Variants in CLSTN3 observed in about 807,000 individuals in gnomAD.
The protein encoded by CLSTN3 is calsyntenin 3.
In CLSTN3, 36 loss-of-function variants were observed where a neutral mutation model predicts 95.9. That is an observed-to-expected ratio of 0.38 (90% confidence interval 0.29 to 0.50). The LOEUF (loss-of-function observed/expected upper bound fraction) is 0.50. Among genes scored for constraint, CLSTN3 ranks in the 20% least tolerant of loss-of-function variants. The pLI is 0.95. For missense variants in CLSTN3, 1,084 were observed against 1,268.8 expected, an observed-to-expected ratio of 0.85 and a Z score of 2.21; for synonymous variants, 481 against 504.0, an observed-to-expected ratio of 0.95 and a Z score of 0.61.
rs35489298 is a variant in CLSTN3, at chr12:7,137,756, A to ATGTGTGTGTGTG, written c.1211-170_1211-159dup. Among the ~76,000 whole-genome samples the ATGTGTGTGTGTG allele has an allele frequency of 2.5e-4, 19 of 76,168 alleles. No individual in the cohort carries two copies. The highest frequency in any genetic ancestry group is 8.3e-4 in the African/African-American group (14 of 16,810). 50.0% of individuals were successfully genotyped at this position (76,168 alleles called of 152,430 possible). On this transcript the variant is annotated intron_variant, in intron 7 of 17. Transcript: ENST00000266546. The surrounding 1 kb of genome is among the most constrained non-coding windows in gnomAD (Gnocchi z 4.4). ...AGCCCAAGTTATCACTTGGACTGGA[A>ATGTGTGTGTGTG]TGTGTGTGTGTGTGTGTGTGTGTGT...
intron 16 of CLSTN3, among the ~76,000 whole-genome samples, chr12:7,153,061 T>C (rs1294220528): frequency 6.6e-6 from 1 of 152,194 alleles, no homozygotes; most frequent in Non-Finnish European, 1.5e-5. Context: ...CCTCTCCTTG[T>C]GCAACGGCCA....
chr12:7,137,795 T>TGTGTGGGA lies in CLSTN3; in HGVS notation c.1211-159_1211-158insTGTGGGAG, dbSNP rs768487238. ...GTGTGTGTGTGTGTGTGTGTGTGTG[T>TGTGTGGGA]GAGAGAGAGAGAGAGAGAGAGAGAG... is the stretch of plus-strand genomic sequence containing the variant. On this transcript the variant is annotated intron_variant, in intron 7 of 17. Coordinates refer to ENST00000266546, the MANE Select transcript of CLSTN3 (RefSeq NM_014718.4). This position sits in a 1 kb window ranked among gnomAD's most constrained non-coding sequence, Gnocchi z 4.4. 1.4e-5 allele frequency among the ~76,000 whole-genome samples: 1 copy of TGTGTGGGA among 70,610 alleles called. No individual in the cohort carries two copies. The highest frequency in any genetic ancestry group is 2.0e-4 in the Admixed American group (1 of 5,108). The allele number at this position is 70,610 out of a possible 152,430, so 46.3% of individuals were successfully genotyped here. A position where few individuals can be genotyped will look rare whatever the true frequency, so the allele number is the denominator to read the frequency against.
rs75755105 is a variant in CLSTN3, at chr12:7,132,745, T to C, written c.65-279T>C. 5,141 of 595,646 alleles carry C rather than the reference T, an allele frequency of 8.6e-3. 196 individuals are homozygous for C. Among genetic ancestry groups the C allele is most frequent in the African/African-American group, 0.078 (4,201 of 53,850 alleles). The allele number at this position is 595,646 out of a possible 1,614,324, so 36.9% of individuals were successfully genotyped here. On this transcript the variant is annotated intron_variant, in intron 1 of 17. Coordinates refer to ENST00000266546, the MANE Select transcript of CLSTN3 (RefSeq NM_014718.4). ...CTCCACTTCCTGACCATGGTTCCCATGGAGATAGTGATCCCCTCCTCTTCA... is the reference window on the plus strand; with the variant it reads ...CTCCACTTCCTGACCATGGTTCCCACGGAGATAGTGATCCCCTCCTCTTCA...
In CLSTN3 at chr12:7,149,631, C is replaced by T. The variant is rs759177835; in HGVS notation, c.2183C>T (p.Thr728Ile). 17 of 1,614,094 alleles carry T rather than the reference C, an allele frequency of 1.1e-5. No homozygotes were observed. In the Admixed American group the frequency reaches 2.2e-4, roughly 21 times the overall value. Residue 728 changes from threonine to isoleucine, a missense_variant, in exon 14 of 18, where the codon ACA becomes ATA. Thr to Ile is a moderately conservative substitution (Grantham distance 89). Coordinates refer to ENST00000266546, the MANE Select transcript of CLSTN3 (RefSeq NM_014718.4). This position sits in a 1 kb window ranked among gnomAD's most constrained non-coding sequence, Gnocchi z 4.5. ...DPERESLLLD[T>I]TSLQQRGLEL... ...GAGCGGGAAAGCCTGCTCCTGGACACAACCTCTCTGCAGCAGCGGGGGCTG... is the reference window on the plus strand; with the variant it reads ...GAGCGGGAAAGCCTGCTCCTGGACATAACCTCTCTGCAGCAGCGGGGGCTG...
In CLSTN3 at chr12:7,150,758, A is replaced by G; in HGVS notation, c.2391+69A>G. 8 of 1,587,854 alleles carry G rather than the reference A, an allele frequency of 5.0e-6. No homozygotes were observed. The highest frequency in any genetic ancestry group is 6.9e-6 in the Non-Finnish European group (8 of 1,160,952). On this transcript the variant is annotated intron_variant, in intron 15 of 17. Coordinates refer to ENST00000266546, the MANE Select transcript of CLSTN3 (RefSeq NM_014718.4). This position sits in a 1 kb window ranked among gnomAD's most constrained non-coding sequence, Gnocchi z 4.0. ...AAAGGAGCTGAGGTGGCATGGACTCAAAATGTTAGTTGGTGGGCATGGACA... is the reference window on the plus strand; with the variant it reads ...AAAGGAGCTGAGGTGGCATGGACTCGAAATGTTAGTTGGTGGGCATGGACA...
chr12:7,156,868 G>C (rs1158312302), intron 16 of CLSTN3: 1 of 455,492 alleles, frequency 2.2e-6, no homozygotes, highest in Non-Finnish European at 4.4e-6. Flanking sequence ...AGGAACCCCA[G>C]ACGTCCCGGA....
At chr12:7,138,524 C>A (rs1939470401) in intron 8 of CLSTN3, among the ~76,000 whole-genome samples, 1 of 152,004 alleles carries the variant, frequency 6.6e-6, no homozygotes, top group Admixed American at 6.5e-5. Flanking sequence ...TAAAACAACC[C>A]TGTTATATAG....
At chr12:7,154,554 G>A (rs952073736) in intron 16 of CLSTN3, among the ~76,000 whole-genome samples, 11 of 152,144 alleles carry the variant, frequency 7.2e-5, no homozygotes, top group East Asian at 1.9e-4. Flanking sequence ...AGAGCAAGCC[G>A]GATGATGAGG....
At position 7,130,561 on chromosome 12, in the gene CLSTN3, C is replaced by T; in HGVS notation, c.-88C>T. 1.9e-6 allele frequency: 3 copies of T among 1,548,076 alleles called. No individual in the cohort carries two copies. The highest frequency in any genetic ancestry group is 2.6e-6 in the Non-Finnish European group (3 of 1,146,794). On this transcript the variant is annotated 5_prime_UTR_variant, in exon 1 of 18. Coordinates refer to ENST00000266546, the MANE Select transcript of CLSTN3 (RefSeq NM_014718.4). ...GCTGTACCCCGCTCCTTGGAGACCC[C>T]CTGTATCCCTCCCGCAAGGTGGAAT...
At chr12:7,140,236 G>A (rs1021212020) in intron 8 of CLSTN3, among the ~76,000 whole-genome samples, 1 of 152,182 alleles carries the variant, frequency 6.6e-6, no homozygotes, top group Non-Finnish European at 1.5e-5. Context: ...GGATGATGGA[G>A]CATTTATACT....
At chr12:7,139,402 G>A (rs1939488648) in intron 8 of CLSTN3, among the ~76,000 whole-genome samples, 1 of 152,090 alleles carries the variant, frequency 6.6e-6, no homozygotes, top group African/African-American at 2.4e-5. Context: ...AAGAGCATAT[G>A]CAAAGGCCCT....
At chr12:7,151,195 C>T (rs575514349) in intron 16 of CLSTN3, 132 bp downstream of exon 16, 198 of 1,080,450 alleles carry the variant, frequency 1.8e-4, no homozygotes, top group South Asian at 8.6e-4. Flanking sequence ...CCTGTGGTAC[C>T]TGCCTTAGTT....
intron 16 of CLSTN3, among the ~76,000 whole-genome samples, chr12:7,153,908 C>G (rs116613458): frequency 6.6e-6 from 1 of 152,188 alleles, no homozygotes; most frequent in Non-Finnish European, 1.5e-5. Flanking sequence ...CGTTTCTCAC[C>G]CCTCAGCCCC....
At chr12:7,132,539 C>G (rs1939325592) in intron 1 of CLSTN3, 1 of 263,058 alleles carries the variant, frequency 3.8e-6, no homozygotes, top group Non-Finnish European at 7.4e-6. Context: ...GGGATCAGGA[C>G]TGAAATGAGT....
At chr12:7,136,532 C>T (rs866210038) in intron 6 of CLSTN3, 141 bp downstream of exon 6, 68 of 919,236 alleles carry the variant, frequency 7.4e-5, no homozygotes, top group African/African-American at 1.8e-4. Flanking sequence ...TTAGCATTTG[C>T]GGCCCAAAAG....
chr12:7,144,961 C>T (rs1187077452), intron 12 of CLSTN3, among the ~76,000 whole-genome samples: 1 of 152,248 alleles, frequency 6.6e-6, no homozygotes, highest in South Asian at 2.1e-4. Context: ...GTCAGAGCTC[C>T]AGTTGTTAAA....
Position 7,150,757 on chromosome 12 carries a change from C to A in CLSTN3, c.2391+68C>A. On this transcript the variant is annotated intron_variant, in intron 15 of 17. Coordinates refer to ENST00000266546, the MANE Select transcript of CLSTN3 (RefSeq NM_014718.4). This position sits in a 1 kb window ranked among gnomAD's most constrained non-coding sequence, Gnocchi z 4.0. ...GAAAGGAGCTGAGGTGGCATGGACT[C>A]AAAATGTTAGTTGGTGGGCATGGAC... 6.3e-7 allele frequency: 1 copy of A among 1,588,030 alleles called. No individual in the cohort carries two copies. The highest frequency in any genetic ancestry group is 1.1e-5 in the South Asian group (1 of 88,588).
chr12:7,131,195 T>G (rs1939293427), intron 1 of CLSTN3: 1 of 241,100 alleles, frequency 4.1e-6, no homozygotes, highest in South Asian at 4.9e-5. Flanking sequence ...GTATGTTTTT[T>G]GCGTGTGCCT....
upstream of CLSTN3, chr12:7,129,669 A>G: frequency 2.0e-6 from 2 of 985,490 alleles, no homozygotes; most frequent in Non-Finnish European, 1.2e-6. This position sits in a 1 kb window ranked among gnomAD's most constrained non-coding sequence, Gnocchi z 5.5. Context: ...AGGCGCCTAA[A>G]TAATATTGTG....
Sources: gnomAD v4.1 joint callset for allele counts (sites outside exome capture counted in the v4.1 genomes callset) on GRCh38, gnomAD v4.1.1 for gene constraint, Gnocchi (gnomAD v3.1) non-coding constraint, MANE v1.5 for transcripts, NCBI Gene and HGNC (gene_info 2026-07-23, HGNC 2026-07-21) for gene names.